The following ZNF33A variants were observed in gnomAD, a reference collection of about 807,000 sequenced individuals.
ZNF33A encodes the protein brain my041 protein.
In ZNF33A, 9 loss-of-function variants were observed where a neutral mutation model predicts 15.9. That is an observed-to-expected ratio of 0.57 (90% CI 0.34 to 0.99). The LOEUF (loss-of-function observed/expected upper bound fraction) is 0.99. Among genes scored for constraint, ZNF33A ranks in the 50% least tolerant of loss-of-function variants. The pLI is 0.02. For missense variants in ZNF33A, 843 were observed against 941.6 expected (o/e 0.90, Z 1.37); for synonymous variants, 294 against 324.2 (o/e 0.91, Z 1.00).
At chr10:38,025,082 G>T (rs1269522578) in intron 4 of ZNF33A, among the ~76,000 whole-genome samples, 2 of 152,104 alleles carry the variant, frequency 1.3e-5, no homozygotes, top group East Asian at 3.9e-4. Context: ...CTTTATCATA[G>T]GTTTGTATAT....
Position 38,059,377 on chromosome 10 carries a change from G to T in ZNF33A, c.*2817G>T, listed in dbSNP as rs1292171369. ...ATATAATGCAGTGTTAAAAAAAAAA[G>T]AAATAAAATGCACATAGATTTGAAA... On this transcript the variant is annotated 3_prime_UTR_variant, in exon 5 of 5. Transcript: ENST00000432900. 6.6e-6 allele frequency: 1 copy of T among 151,992 alleles called. No homozygotes were observed. Among genetic ancestry groups the T allele is most frequent in the East Asian group, 1.9e-4 (1 of 5,176 alleles). 9.4% of individuals were successfully genotyped at this position (151,992 alleles called of 1,614,324 possible). A position where few individuals can be genotyped will look rare whatever the true frequency, so the allele number is the denominator to read the frequency against.
chr10:38,015,888 A>G, intron 2 of ZNF33A: 1 of 689,968 alleles, frequency 1.4e-6, no homozygotes, highest in Non-Finnish European at 2.0e-6. Context: ...TCTCAGTAGA[A>G]TTGGTTCTGT....
chr10:38,047,744 A>T (rs923425402), intron 4 of ZNF33A, among the ~76,000 whole-genome samples: 17 of 151,464 alleles, frequency 1.1e-4, no homozygotes, highest in African/African-American at 3.4e-4. Flanking sequence ...GGAAAGTGGG[A>T]AAAGAACAGA....
At chr10:38,032,944 C>A (rs2065277926) in intron 4 of ZNF33A, among the ~76,000 whole-genome samples, 1 of 152,100 alleles carries the variant, frequency 6.6e-6, no homozygotes, top group Admixed American at 6.6e-5. Flanking sequence ...GATGGGGTTT[C>A]ACCATGTTGG....
At chr10:38,011,343 G>C (rs1262034462) in intron 1 of ZNF33A, among the ~76,000 whole-genome samples, 1 of 152,184 alleles carries the variant, frequency 6.6e-6, no homozygotes, top group Admixed American at 6.5e-5. Flanking sequence ...CCAGCACTTT[G>C]GGAGGCCGAG....
At position 38,056,370 on chromosome 10, in the gene ZNF33A, A is replaced by G. The variant is rs751096961; in HGVS notation, c.2246A>G (p.Tyr749Cys). 1.9e-6 allele frequency: 3 copies of G among 1,614,160 alleles called. No individual in the cohort carries two copies. Among genetic ancestry groups the G allele is most frequent in the Admixed American group, 3.3e-5 (2 of 60,032 alleles). Residue 749 changes from tyrosine to cysteine, a missense_variant, in exon 5 of 5, where the codon TAT (tyrosine) becomes TGT (cysteine). Tyr to Cys is a radical substitution (Grantham distance 194, BLOSUM62 -2). Coordinates refer to ENST00000432900, the MANE Select transcript of ZNF33A (RefSeq NM_006954.2). The part of the protein sequence containing the change: ...HQRSHTGEKP[Y>C]ECNTCRKTFS... ...AGATCACATACAGGGGAAAAGCCCT[A>G]TGAATGTAACACATGCAGGAAAACT...
intron 4 of ZNF33A, among the ~76,000 whole-genome samples, chr10:38,034,407 A>G (rs369497478): frequency 3.3e-5 from 5 of 152,260 alleles, no homozygotes; most frequent in African/African-American, 7.2e-5. Flanking sequence ...TGAGGTATAT[A>G]TAAATTCCAT....
Position 38,057,766 on chromosome 10 carries a change from G to A in ZNF33A, c.*1206G>A. ...ACATATGTGAACATTCCAGCCTTCA[G>A]CATAAGTGGTAGTCCAAATTTTCTT... On this transcript the variant is annotated 3_prime_UTR_variant, in exon 5 of 5. Transcript: ENST00000432900. 1 of 985,460 alleles carries A rather than the reference G, an allele frequency of 1.0e-6. No homozygotes were observed. The highest frequency in any genetic ancestry group is 1.7e-5 in the African/African-American group (1 of 57,364). 61.0% of individuals were successfully genotyped at this position (985,460 alleles called of 1,614,324 possible).
At chr10:38,043,206 A>T (rs2065785331) in intron 4 of ZNF33A, among the ~76,000 whole-genome samples, 1 of 151,982 alleles carries the variant, frequency 6.6e-6, no homozygotes, top group South Asian at 2.1e-4. Flanking sequence ...ACAGGTTATT[A>T]AAAAAGCTGG....
intron 4 of ZNF33A, among the ~76,000 whole-genome samples, chr10:38,038,492 AGT>A (rs1049668742): frequency 6.6e-6 from 1 of 152,228 alleles, no homozygotes; most frequent in Non-Finnish European, 1.5e-5. Flanking sequence ...TAGTTTTAAT[AGT>A]GTTTCAGCAG....
Position 38,054,695 on chromosome 10 carries a change from A to T in ZNF33A, c.571A>T (p.Asn191Tyr), listed in dbSNP as rs1347400073. The change falls in exon 5 of 5, where the codon AAT (asparagine) becomes TAT (tyrosine). Residue 191 changes from asparagine (N) to tyrosine (Y), a missense_variant. By Grantham distance (143) the Asn-to-Tyr change is moderately radical. Coordinates refer to ENST00000432900, the MANE Select transcript of ZNF33A (RefSeq NM_006954.2). Reference protein sequence around the residue: ...KHDETHTQEKNEVLKNRNTLS... With the variant: ...KHDETHTQEKYEVLKNRNTLS... ...TGATGAAACTCATACTCAAGAGAAA[A>T]ATGAAGTTTTGAAAAATAGGAACAC... 1 of 1,613,692 alleles carries T rather than the reference A, an allele frequency of 6.2e-7. No individual in the cohort carries two copies. Among genetic ancestry groups the T allele is most frequent in the Non-Finnish European group, 8.5e-7 (1 of 1,179,936 alleles).
At chr10:38,062,348 G>T (rs775176238), downstream of ZNF33A, among the ~76,000 whole-genome samples, 4 of 152,190 alleles carry the variant, frequency 2.6e-5, no homozygotes, top group African/African-American at 9.6e-5. Context: ...ACAAATGGAC[G>T]AAGACAAAAT....
At chr10:38,040,632 G>A (rs929347962) in intron 4 of ZNF33A, among the ~76,000 whole-genome samples, 9 of 152,074 alleles carry the variant, frequency 5.9e-5, no homozygotes, top group Non-Finnish European at 1.5e-5. Flanking sequence ...AGCCTTATAG[G>A]TGCCATGTGC....
In ZNF33A at chr10:38,013,938, T is replaced by C. The variant is rs201540594; in HGVS notation, c.9+1588T>C. ...TGACACCTCCCTGCTCATTCATTCA[T>C]TTACATATAAGCCACAGTATCTGGC... On this transcript the variant is annotated intron_variant, in intron 2 of 4. Transcript: ENST00000432900. Among the ~76,000 whole-genome samples, 9 of 152,090 alleles carry C rather than the reference T, an allele frequency of 5.9e-5. No homozygotes were observed. In the East Asian group the frequency reaches 1.7e-3, roughly 29 times the overall value.
chr10:38,026,577 G>A (rs752284538), intron 4 of ZNF33A, among the ~76,000 whole-genome samples: 36 of 152,264 alleles, frequency 2.4e-4, no homozygotes, highest in Middle Eastern at 6.8e-3. Flanking sequence ...TGATCCACCC[G>A]CCTTGACCTC....
chr10:38,031,894 C>T lies in ZNF33A; in HGVS notation c.250+14508C>T, dbSNP rs546565957. ...AGGAGAATTGCTTGAACCCGGGAGGCGGAGGTTGCACTGAGCTGAGATGGC... is the reference window on the plus strand; with the variant it reads ...AGGAGAATTGCTTGAACCCGGGAGGTGGAGGTTGCACTGAGCTGAGATGGC... On this transcript the variant is annotated intron_variant, in intron 4 of 4. Transcript: ENST00000432900. 1.9e-4 allele frequency among the ~76,000 whole-genome samples: 29 copies of T among 152,148 alleles called. No homozygotes were observed. In the South Asian group the frequency reaches 2.3e-3, roughly 12 times the overall value.
At position 38,032,402 on chromosome 10, in the gene ZNF33A, CATT is replaced by C. The variant is rs376141763; in HGVS notation, c.250+15017_250+15019del. On this transcript the variant is annotated intron_variant, in intron 4 of 4. Coordinates refer to ENST00000432900, the MANE Select transcript of ZNF33A (RefSeq NM_006954.2). ...ACCAATTTTACGTGTATAAATCAATCATTGTTAGTGTATTTGCAGGATTGTGCA... is the reference window on the plus strand; with the variant it reads ...ACCAATTTTACGTGTATAAATCAATCGTTAGTGTATTTGCAGGATTGTGCA... Among the ~76,000 whole-genome samples, 96 of 152,226 alleles carry C rather than the reference CATT, an allele frequency of 6.3e-4. 1 individual carries two copies. The East Asian group carries it at 0.016, about 25-fold the overall frequency.
downstream of ZNF33A, among the ~76,000 whole-genome samples, chr10:38,062,189 C>T (rs563491741): frequency 2.5e-4 from 38 of 152,222 alleles, no homozygotes; most frequent in South Asian, 7.9e-3. Context: ...GGAGGGGCTG[C>T]CTTGGAAGCT....
chr10:38,012,311 G>T lies in ZNF33A; in HGVS notation c.-31G>T. 6.2e-7 allele frequency: 1 copy of T among 1,611,468 alleles called. No individual in the cohort carries two copies. The highest frequency in any genetic ancestry group is 1.3e-5 in the African/African-American group (1 of 74,688). The stretch of plus-strand genomic sequence containing the variant: ...TTTCTAACTCAGCTGTATCTTCAGA[G>T]TTGTCTCCGTCTTTCCAAGAACAGA... On this transcript the variant is annotated 5_prime_UTR_variant, in exon 2 of 5. Coordinates refer to ENST00000432900, the MANE Select transcript of ZNF33A (RefSeq NM_006954.2).
Sources: allele counts gnomAD v4.1 joint callset (sites outside exome capture counted in the v4.1 genomes callset), GRCh38; gene constraint gnomAD v4.1.1; transcripts MANE v1.5; gene names NCBI Gene and HGNC (gene_info 2026-07-23, HGNC 2026-07-21).